PTPN21: variants seen among roughly 807,000 people sequenced by gnomAD.
PTPN21 encodes the protein tyrosine-protein phosphatase non-receptor type 21.
A neutral mutation model predicts 131.8 loss-of-function variants in PTPN21; 77 were observed. The observed-to-expected ratio is 0.58, with a 90% CI of 0.49 to 0.71. PTPN21 has a LOEUF of 0.71. Among genes scored for constraint, PTPN21 ranks in the 30% least tolerant of loss-of-function variants. The pLI is 0.00. For synonymous variants in PTPN21, 715 were observed against 621.3 expected, an observed-to-expected ratio of 1.15 and a Z score of -2.24; for missense variants, 1,552 against 1,527.1, an observed-to-expected ratio of 1.02 and a Z score of -0.27.
chr14:88,482,994 C>G (rs370930742), intron 12 of PTPN21, among the ~76,000 whole-genome samples: 4 of 151,850 alleles, frequency 2.6e-5, no homozygotes, highest in Admixed American at 2.0e-4. Context: ...AGGCGGATTA[C>G]GAGGTCAGGA....
At chr14:88,477,638 T>A (rs1386763039) in intron 13 of PTPN21, among the ~76,000 whole-genome samples, 71 of 152,036 alleles carry the variant, frequency 4.7e-4, no homozygotes. Context: ...AGATGAGCCG[T>A]CCTGTCGGAG....
chr14:88,483,337 A>G (rs2077681199), intron 12 of PTPN21, among the ~76,000 whole-genome samples: 1 of 152,102 alleles, frequency 6.6e-6, no homozygotes, highest in Admixed American at 6.6e-5. Flanking sequence ...TGGCAAAGTG[A>G]GACTAACAAT....
Position 88,468,224 on chromosome 14 carries a change from C to T in PTPN21, c.3438G>A (p.Gln1146=). The T allele has an allele frequency of 1.9e-6, 3 of 1,610,972 alleles. No homozygotes were observed. Among genetic ancestry groups the T allele is most frequent in the Non-Finnish European group, 1.7e-6 (2 of 1,177,878 alleles). The part of the protein sequence containing the change: ...IPRVLDMLRQ[Q]RMMLVQTLCQ... ...AGAGAGTCTGCACCAGCATCATTCT[C>T]TGTTGCCTCAGCATGTCCAGCACTC... Residue 1146 remains glutamine (Q), a synonymous_variant, in exon 19 of 19, where the codon CAG becomes CAA. Coordinates refer to ENST00000556564, the MANE Select transcript of PTPN21 (RefSeq NM_007039.4).
chr14:88,496,305 G>A (rs7147429), intron 10 of PTPN21, 108 bp downstream of exon 10: 97,717 of 1,010,402 alleles, frequency 0.097, 7,424 homozygotes, highest in African/African-American at 0.34. Flanking sequence ...ATAGGATCAA[G>A]AAAAGATGTC....
At position 88,470,043 on chromosome 14, in the gene PTPN21, A is replaced by T; in HGVS notation, c.2879T>A (p.Val960Asp). The change falls in exon 16 of 19, where the codon GTC becomes GAC. Residue 960 changes from valine (V) to aspartate (D), a missense_variant. Physicochemically the swap from Val to Asp is radical, Grantham distance 152 (BLOSUM62 -3). Transcript: ENST00000556564. ...YINASHIKVS[V>D]SGIEWDYIAT... ...AATATAATCCCATTCGATTCCACTGACAGAGACCTGGGATTAGAAAAGGTT... is the reference window on the plus strand; with the variant it reads ...AATATAATCCCATTCGATTCCACTGTCAGAGACCTGGGATTAGAAAAGGTT... 1 of 1,612,940 alleles carries T rather than the reference A, an allele frequency of 6.2e-7. No homozygotes were observed. Among genetic ancestry groups the T allele is most frequent in the South Asian group, 1.1e-5 (1 of 91,062 alleles).
intron 13 of PTPN21, among the ~76,000 whole-genome samples, chr14:88,474,155 AC>A (rs374457862): frequency 0.033 from 3,260 of 97,568 alleles, 215 homozygotes; most frequent in African/African-American, 0.041. Flanking sequence ...AAAAAAAAAA[AC>A]AAAAGCTTTA....
chr14:88,551,691 T>C (rs2078872119), intron 1 of PTPN21: 1 of 152,200 alleles, frequency 6.6e-6, no homozygotes, highest in East Asian at 1.9e-4. Context: ...ACAACGTGTT[T>C]TATAGAGCGA....
chr14:88,477,622 C>A (rs2077567591), intron 13 of PTPN21, among the ~76,000 whole-genome samples: 1 of 152,114 alleles, frequency 6.6e-6, no homozygotes, highest in Non-Finnish European at 1.5e-5. Flanking sequence ...GCCAGAACCA[C>A]ACTTGAGATG....
In PTPN21 at chr14:88,469,935, A is replaced by T; in HGVS notation, c.2987T>A (p.Val996Glu). 6.2e-7 allele frequency: 1 copy of T among 1,614,022 alleles called. No individual in the cohort carries two copies. Among genetic ancestry groups the T allele is most frequent in the East Asian group, 2.2e-5 (1 of 44,876 alleles). Residue 996 changes from valine (V) to glutamate (E), a missense_variant, in exon 16 of 19, where the codon GTG (valine) becomes GAG (glutamate). Physicochemically the swap from Val to Glu is moderately radical, Grantham distance 121. Around this residue, in one of 4 missense-constraint regions of PTPN21, gnomAD observed 316 missense variants for 378.5 expected, o/e 0.83. Transcript: ENST00000556564. The surrounding 1 kb of genome is among the most constrained non-coding windows in gnomAD (Gnocchi z 4.3). ...ATAAGTACCTACCTCTTCTGCTGTCACCATTGCTATAATTGCAATTCCCTG... is the reference window on the plus strand; with the variant it reads ...ATAAGTACCTACCTCTTCTGCTGTCTCCATTGCTATAATTGCAATTCCCTG... Reference protein sequence around the residue: ...WEQGIAIIAMVTAEEEGGREK... With the variant: ...WEQGIAIIAMETAEEEGGREK...
rs528349937 is a variant in PTPN21 at position 88,525,545 on chromosome 14, A to C, written c.181-8284T>G. Among the ~76,000 whole-genome samples, 10 of 152,328 alleles carry C rather than the reference A, an allele frequency of 6.6e-5. 1 individual carries two copies. In the South Asian group the frequency reaches 2.1e-3, roughly 32 times the overall value. On this transcript the variant is annotated intron_variant, in intron 2 of 18. Transcript: ENST00000556564. ...ACACCAACTAGGATGGCTATAATTTAAAAAATAGGAAGTAAACATTGGTGA... is the reference window on the plus strand; with the variant it reads ...ACACCAACTAGGATGGCTATAATTTCAAAAATAGGAAGTAAACATTGGTGA...
Position 88,542,825 on chromosome 14 carries a change from C to G in PTPN21, c.180+7413G>C, listed in dbSNP as rs2078725047. ...TTCTCTATCTAGGTGAGAGGCCAAC[C>G]AACCTAACATTATATTTGCTTCAGA... On this transcript the variant is annotated intron_variant, in intron 2 of 18. Transcript: ENST00000556564. Among the ~76,000 whole-genome samples the G allele has an allele frequency of 2.6e-5, 4 of 152,080 alleles. No individual in the cohort carries two copies. The South Asian group carries it at 6.2e-4, about 24-fold the overall frequency.
At chr14:88,515,246 C>G (rs1026771294) in intron 3 of PTPN21, 5 of 152,202 alleles carry the variant, frequency 3.3e-5, no homozygotes, top group African/African-American at 4.8e-5. Flanking sequence ...TACAACTTCT[C>G]TATCAGGTGC....
Position 88,479,849 on chromosome 14 carries a change from CAGGGTA to C in PTPN21, c.1576_1581del (p.Tyr526_Pro527del), listed in dbSNP as rs2077618146. ...GCGCCCACCACGGGCCGCCGCTCGGCAGGGTAGGGGTAGGGAGACGGGCTGTGGAAG... is the reference window on the plus strand; with the variant it reads ...GCGCCCACCACGGGCCGCCGCTCGGCGGGGTAGGGAGACGGGCTGTGGAAG... On this transcript the variant is annotated inframe_deletion, in exon 13 of 19. Coordinates refer to ENST00000556564, the MANE Select transcript of PTPN21 (RefSeq NM_007039.4). The C allele has an allele frequency of 6.4e-7, 1 of 1,559,150 alleles. No homozygotes were observed. The highest frequency in any genetic ancestry group is 1.3e-5 in the African/African-American group (1 of 74,336).
intron 1 of PTPN21, among the ~76,000 whole-genome samples, chr14:88,553,676 G>C (rs2078892839): frequency 6.6e-6 from 1 of 151,230 alleles, no homozygotes; most frequent in Non-Finnish European, 1.5e-5. Flanking sequence ...ACTAGATTCT[G>C]CTTCAGTACA....
At chr14:88,497,891 C>T (rs2077947186) in intron 8 of PTPN21, among the ~76,000 whole-genome samples, 1 of 151,228 alleles carries the variant, frequency 6.6e-6, no homozygotes, top group Non-Finnish European at 1.5e-5. Flanking sequence ...CCTGAGGTCA[C>T]GAGTTTCAGA....
intron 2 of PTPN21, among the ~76,000 whole-genome samples, chr14:88,537,631 C>T (rs2078649118): frequency 6.6e-6 from 1 of 152,070 alleles, no homozygotes; most frequent in Non-Finnish European, 1.5e-5. Context: ...CTGATAAGTG[C>T]TATGGAGAAA....
In PTPN21 at chr14:88,501,311, A is replaced by G. The variant is rs935698306; in HGVS notation, c.645T>C (p.Asp215=). Residue 215 remains aspartate (D), a synonymous_variant, in exon 7 of 19, where the codon GAT becomes GAC. Transcript: ENST00000556564. The part of the protein sequence containing the change: ...MLYMQEVERM[D]GYGEESYPAK... ...CAGGGTAGCTCTCTTCTCCATAGCC[A>G]TCCATTCTCTCTACCTCCTGCATGT... The G allele has an allele frequency of 3.1e-6, 5 of 1,614,092 alleles. No homozygotes were observed. Among genetic ancestry groups the G allele is most frequent in the Non-Finnish European group, 4.2e-6 (5 of 1,179,966 alleles).
rs1475801259 is a variant in PTPN21, at chr14:88,479,768, G to C, written c.1663C>G (p.Pro555Ala). 6.5e-6 allele frequency: 10 copies of C among 1,545,618 alleles called. No homozygotes were observed. Among genetic ancestry groups the C allele is most frequent in the Non-Finnish European group, 7.8e-6 (9 of 1,153,000 alleles). ...AQLQAQDYPS[P>A]NIMRTQVYRP... is the part of the protein sequence containing the mutation. ...TACACCTGCGTCCGCATGATGTTGGGAGACGGGTAGTCCTGCGCCTGCAGC... is the reference window on the plus strand; with the variant it reads ...TACACCTGCGTCCGCATGATGTTGGCAGACGGGTAGTCCTGCGCCTGCAGC... Residue 555 changes from proline to alanine, a missense_variant, in exon 13 of 19, where the codon CCC (proline) becomes GCC (alanine). Around this residue, in one of 4 missense-constraint regions of PTPN21, gnomAD observed 1,016 missense variants for 883.5 expected, o/e 1.15. Transcript: ENST00000556564.
chr14:88,503,685 T>C lies in PTPN21; in HGVS notation c.587+740A>G, dbSNP rs74077611. On this transcript the variant is annotated intron_variant, in intron 6 of 18. Transcript: ENST00000556564. ...GTGTTCTGAGAACACGTAGGGTAGGTTAGGGTAAGCTATGATGTTCAGCAG... is the reference window on the plus strand; with the variant it reads ...GTGTTCTGAGAACACGTAGGGTAGGCTAGGGTAAGCTATGATGTTCAGCAG... Among the ~76,000 whole-genome samples the C allele has an allele frequency of 8.7e-3, 1,321 of 152,226 alleles. 20 individuals are homozygous for C. The highest frequency in any genetic ancestry group is 0.03 in the African/African-American group (1,261 of 41,526).
Sources: allele counts gnomAD v4.1 joint callset (sites outside exome capture counted in the v4.1 genomes callset), GRCh38; gene constraint gnomAD v4.1.1; regional missense constraint gnomAD v4.1.1; non-coding constraint Gnocchi (gnomAD v3.1); transcripts MANE v1.5; gene names NCBI Gene and HGNC (gene_info 2026-07-23, HGNC 2026-07-21).